ZNF44: variants seen among roughly 807,000 people sequenced by gnomAD.
ZNF44 encodes the protein gonadotropin inducible transcription repressor-2.
In ZNF44, 9 loss-of-function variants were observed where a neutral mutation model predicts 11.7. The ratio of observed to expected loss-of-function variants is 0.77; its 90% CI spans 0.46 to 1.35. The LOEUF (loss-of-function observed/expected upper bound fraction) is 1.35, where lower values mean the gene tolerates loss of function less well. Among genes scored for constraint, ZNF44 ranks in the 40% most tolerant of loss-of-function variants. ZNF44 has a pLI of 0.00. For missense variants in ZNF44, 696 were observed against 743.1 expected, an observed-to-expected ratio of 0.94 and a Z score of 0.74; for synonymous variants, 224 against 242.7, an observed-to-expected ratio of 0.92 and a Z score of 0.72.
chr19:12,270,475 C>T (rs1459351752), downstream of ZNF44, among the ~76,000 whole-genome samples: 2 of 151,322 alleles, frequency 1.3e-5, no homozygotes, highest in East Asian at 2.0e-4. Context: ...TTCTTGAGAC[C>T]GAGTCTCACT....
chr19:12,290,133 C>A (rs1473240856), intron 1 of ZNF44, among the ~76,000 whole-genome samples: 5 of 152,112 alleles, frequency 3.3e-5, no homozygotes, highest in African/African-American at 1.2e-4. Context: ...CGCCTGTAAT[C>A]CCAGCACTTT....
rs201607349 is a variant in ZNF44 at position 12,248,897 on chromosome 19, T to TC, written c.*187-220_*187-219insG. On this transcript the variant is annotated intron_variant and NMD_transcript_variant, in intron 7 of 7. Coordinates refer to the ZNF44 transcript ENST00000393337. ...AGTGATTTTCATATATGGGTTTCTC[T>TC]TTTTTTTTTTTTTTGAGACGGAGTC... Among the ~76,000 whole-genome samples the TC allele has an allele frequency of 4.9e-3, 556 of 113,824 alleles. 4 individuals are homozygous for TC. Among genetic ancestry groups the TC allele is most frequent in the African/African-American group, 0.019 (423 of 21,864 alleles). 74.7% of individuals were successfully genotyped at this position (113,824 alleles called of 152,430 possible).
intron 2 of ZNF44, among the ~76,000 whole-genome samples, chr19:12,234,266 G>GT (rs1404321405): frequency 6.6e-6 from 1 of 152,072 alleles, no homozygotes; most frequent in African/African-American, 2.4e-5. Flanking sequence ...TCTTAGTTCT[G>GT]TTTCCCTGTG....
At position 12,229,110 on chromosome 19, in the gene ZNF44, CAATTAT is replaced by C. The variant is rs1916046731; in HGVS notation, n.436+1344_436+1349del. Among the ~76,000 whole-genome samples the C allele has an allele frequency of 2.6e-5, 4 of 151,950 alleles. No homozygotes were observed. In the South Asian group the frequency reaches 6.2e-4, roughly 24 times the overall value. On this transcript the variant is annotated intron_variant and non_coding_transcript_variant, in intron 3 of 3. Coordinates refer to the ZNF44 transcript ENST00000597563. The stretch of plus-strand genomic sequence containing the variant: ...TGATTTAAGCACTTATTTTTTTTGC[CAATTAT>C]AATTAGAGTTCCTTTAATAGACATT...
chr19:12,266,777 C>T (rs1029922143), intron 5 of ZNF44, among the ~76,000 whole-genome samples: 11 of 152,194 alleles, frequency 7.2e-5, no homozygotes, highest in African/African-American at 2.7e-4. Context: ...TTGCTCCTGG[C>T]TTTCCAGAGC....
chr19:12,225,686 A>G (rs1006813114), downstream of ZNF44, among the ~76,000 whole-genome samples: 3 of 152,244 alleles, frequency 2.0e-5, no homozygotes, highest in African/African-American at 4.8e-5. Context: ...GAGTAAAGCA[A>G]TTCCCACACG....
chr19:12,272,996 G>C lies in ZNF44; in HGVS notation c.1259C>G (p.Pro420Arg), dbSNP rs1967025256. The change falls in exon 4 of 4, where the codon CCC becomes CGC. Residue 420 changes from proline (P) to arginine (R), a missense_variant. Physicochemically the swap from Pro to Arg is moderately radical, Grantham distance 103. Coordinates refer to ENST00000355684, the MANE Select transcript of ZNF44 (RefSeq NM_016264.4). Reference sequence around the variant, plus strand: ...TTTCCCACATTGCTTGCATTCATAGGGTTTCTCTCCAGTGTGAGTCCTTTC... The same window carrying C: ...TTTCCCACATTGCTTGCATTCATAGCGTTTCTCTCCAGTGTGAGTCCTTTC... ...RHERTHTGEK[P>R]YECKQCGKAF... 1.2e-6 allele frequency: 2 copies of C among 1,614,008 alleles called. No individual in the cohort carries two copies. The highest frequency in any genetic ancestry group is 1.7e-6 in the Non-Finnish European group (2 of 1,179,980).
chr19:12,238,624 CAAAAAA>C (rs760047200), upstream of ZNF44, among the ~76,000 whole-genome samples: 559 of 62,658 alleles, frequency 8.9e-3, 3 homozygotes, highest in African/African-American at 0.026. Context: ...GAGACTGTCT[CAAAAAA>C]AAAAAAAAAA....
At chr19:12,242,509 C>CAAA (rs779926213), upstream of ZNF44, among the ~76,000 whole-genome samples, 550 of 101,292 alleles carry the variant, frequency 5.4e-3, 4 homozygotes, top group African/African-American at 0.018. Context: ...GACTCCGGCT[C>CAAA]AAAAAAAAAA....
chr19:12,288,216 A>G (rs961011244), intron 1 of ZNF44, among the ~76,000 whole-genome samples: 1 of 152,194 alleles, frequency 6.6e-6, no homozygotes, highest in Admixed American at 6.5e-5. Flanking sequence ...CAACTCTACT[A>G]TCAGATTTAA....
chr19:12,243,399 GTTT>G (rs887613810), downstream of ZNF44, among the ~76,000 whole-genome samples: 3 of 152,152 alleles, frequency 2.0e-5, no homozygotes, highest in African/African-American at 7.2e-5. Context: ...CGGAGTTTAA[GTTT>G]TTAATATTCC....
At chr19:12,288,459 A>C (rs1489919437) in intron 1 of ZNF44, among the ~76,000 whole-genome samples, 1 of 152,064 alleles carries the variant, frequency 6.6e-6, no homozygotes, top group Non-Finnish European at 1.5e-5. Flanking sequence ...ACATGATTTA[A>C]GAGGCCAGGC....
intron 5 of ZNF44, among the ~76,000 whole-genome samples, chr19:12,261,372 C>T (rs942421531): frequency 1.3e-5 from 2 of 152,226 alleles, no homozygotes; most frequent in Admixed American, 6.5e-5. Context: ...TGGTGGCTCA[C>T]GCTTGCAATC....
intron 1 of ZNF44, among the ~76,000 whole-genome samples, chr19:12,282,077 A>G (rs1369510132): frequency 6.6e-6 from 1 of 152,184 alleles, no homozygotes; most frequent in African/African-American, 2.4e-5. Flanking sequence ...CATTACAGAC[A>G]TATCTCCACC....
rs189906642 is a variant in ZNF44 at position 12,250,690 on chromosome 19, T to C, written c.1913-322A>G. On this transcript the variant is annotated intron_variant and NMD_transcript_variant, in intron 5 of 7. Coordinates refer to the ZNF44 transcript ENST00000393337. ...AATTCTTTGTGAGAAAAACTCATCT[T>C]CTTCTTATACATCACATCACTCAAC... The C allele has an allele frequency of 1.7e-3, 738 of 430,414 alleles. 3 individuals are homozygous for C. Among genetic ancestry groups the C allele is most frequent in the Non-Finnish European group, 2.7e-3 (580 of 215,284 alleles). The allele number at this position is 430,414 out of a possible 1,614,324, so 26.7% of individuals were successfully genotyped here.
chr19:12,283,073 T>C (rs140907640), intron 1 of ZNF44, among the ~76,000 whole-genome samples: 2,559 of 152,334 alleles, frequency 0.017, 20 homozygotes, highest in Middle Eastern at 0.034. Context: ...TGTTGGTGTG[T>C]CTTCTCAAGT....
At chr19:12,250,055 G>GA in intron 6 of ZNF44, 1 of 1,274,254 alleles carries the variant, frequency 7.8e-7, no homozygotes, top group Non-Finnish European at 1.0e-6. Flanking sequence ...TGCAGACCCA[G>GA]AAAAAATTAT....
chr19:12,265,534 G>C (rs937660016), intron 5 of ZNF44, among the ~76,000 whole-genome samples: 6 of 151,878 alleles, frequency 4.0e-5, no homozygotes, highest in Non-Finnish European at 8.8e-5. Context: ...ACACACAATC[G>C]AGTCGACGTT....
Position 12,272,950 on chromosome 19 carries a change from G to A in ZNF44, c.1305C>T (p.Ser435=). The A allele has an allele frequency of 6.2e-7, 1 of 1,613,632 alleles. No individual in the cohort carries two copies. The highest frequency in any genetic ancestry group is 8.5e-7 in the Non-Finnish European group (1 of 1,179,922). ...QCGKAFRTSS[S]LRKHETTHTG... ...TGTGTGTTGTTTCATGTTTTCGAAG[G>A]GAACTGGAAGTACGGAAGGCTTTCC... The change falls in exon 4 of 4, where the codon TCC becomes TCT. Residue 435 remains serine, a synonymous_variant. Transcript: ENST00000355684.
Sources: gnomAD v4.1 joint callset for allele counts (sites outside exome capture counted in the v4.1 genomes callset) on GRCh38, gnomAD v4.1.1 for gene constraint, MANE v1.5 for transcripts, NCBI Gene and HGNC (gene_info 2026-07-23, HGNC 2026-07-21) for gene names.